PDE11A: variants seen among roughly 807,000 people sequenced by gnomAD.
PDE11A encodes the protein dual 3',5'-cyclic-AMP and -GMP phosphodiesterase 11A.
A neutral mutation model predicts 100.5 loss-of-function variants in PDE11A; 100 were observed. The ratio of observed to expected loss-of-function variants is 1.00; its 90% confidence interval spans 0.85 to 1.18. The LOEUF is 1.18. PDE11A is among the 50% of genes most tolerant of loss of function. The pLI, the probability that PDE11A is intolerant of heterozygous loss-of-function variation, is 0.00. For missense variants in PDE11A, 1,141 were observed against 1,152.6 expected (o/e 0.99, Z 0.15); for synonymous variants, 381 against 420.8 (o/e 0.91, Z 1.16).
intron 19 of PDE11A, among the ~76,000 whole-genome samples, chr2:177,645,171 G>A (rs1389738428): frequency 6.6e-6 from 1 of 152,104 alleles, no homozygotes; most frequent in Non-Finnish European, 1.5e-5. Context: ...GGAGAACTAG[G>A]TTTCTTTATC....
intron 2 of PDE11A, among the ~76,000 whole-genome samples, chr2:177,950,439 C>T (rs1420956846): frequency 6.6e-6 from 1 of 152,166 alleles, no homozygotes; most frequent in Non-Finnish European, 1.5e-5. Flanking sequence ...AGTCTGGTAT[C>T]TGGTCTAAAA....
chr2:178,034,556 A>G (rs886148283), intron 1 of PDE11A, among the ~76,000 whole-genome samples: 5 of 152,228 alleles, frequency 3.3e-5, no homozygotes, highest in African/African-American at 9.6e-5. Flanking sequence ...CTCCACCCCA[A>G]ATCAACAGAA....
chr2:177,780,221 T>C (rs1029941987), intron 9 of PDE11A, among the ~76,000 whole-genome samples: 11 of 152,166 alleles, frequency 7.2e-5, no homozygotes, highest in African/African-American at 2.2e-4. Context: ...CCATTTATAG[T>C]GTACAAGCAG....
chr2:177,802,763 GA>G (rs1481941621), intron 9 of PDE11A, among the ~76,000 whole-genome samples: 1 of 151,844 alleles, frequency 6.6e-6, no homozygotes, highest in South Asian at 2.1e-4. Context: ...TTTTCCTATT[GA>G]AAAATAACAA....
chr2:177,701,086 C>T (rs2081189295), intron 14 of PDE11A, 35 bp downstream of exon 14: 2 of 1,169,316 alleles, frequency 1.7e-6, no homozygotes, highest in South Asian at 1.2e-5. Context: ...GTTTTGGTTT[C>T]TGTTAAGGGG....
intron 2 of PDE11A, among the ~76,000 whole-genome samples, chr2:177,938,028 T>A (rs1483009926): frequency 2.6e-5 from 4 of 152,066 alleles, no homozygotes; most frequent in African/African-American, 9.7e-5. Context: ...CAGGGATTAA[T>A]AGATAAGGAG....
chr2:177,981,672 C>A (rs945984253), intron 2 of PDE11A, among the ~76,000 whole-genome samples: 9 of 150,826 alleles, frequency 6.0e-5, no homozygotes, highest in African/African-American at 2.2e-4. Flanking sequence ...GGGGTTAGTA[C>A]TTCAACTTAT....
chr2:177,869,991 C>T (rs746169079), intron 5 of PDE11A, among the ~76,000 whole-genome samples: 6 of 152,182 alleles, frequency 3.9e-5, no homozygotes, highest in Non-Finnish European at 8.8e-5. Flanking sequence ...TGATGTTCCA[C>T]ACCTTAATAA....
At chr2:177,688,295 A>C (rs1024663466) in intron 15 of PDE11A, 1 of 152,252 alleles carries the variant, frequency 6.6e-6, no homozygotes, top group Non-Finnish European at 1.5e-5. Flanking sequence ...TCACAGCTCC[A>C]GGTGATGTAT....
At chr2:177,760,376 TTATTA>T (rs1208760856) in intron 10 of PDE11A, among the ~76,000 whole-genome samples, 3 of 152,322 alleles carry the variant, frequency 2.0e-5, no homozygotes, top group Admixed American at 6.5e-5. Flanking sequence ...CTCATGAGTA[TTATTA>T]TATTATATTA....
At chr2:177,722,522 C>T (rs1389481007) in intron 12 of PDE11A, among the ~76,000 whole-genome samples, 1 of 152,086 alleles carries the variant, frequency 6.6e-6, no homozygotes, top group Non-Finnish European at 1.5e-5. Flanking sequence ...TGGATAAAGG[C>T]AATGTCAGCT....
At chr2:177,656,104 C>A (rs534632492) in intron 19 of PDE11A, among the ~76,000 whole-genome samples, 1 of 152,260 alleles carries the variant, frequency 6.6e-6, no homozygotes, top group South Asian at 2.1e-4. Flanking sequence ...GCCATATACT[C>A]CAGATTATGG....
chr2:178,063,461 C>G (rs192981925), intron 1 of PDE11A, among the ~76,000 whole-genome samples: 2 of 152,086 alleles, frequency 1.3e-5, no homozygotes. Flanking sequence ...TGTGCAGGGC[C>G]GCATAGGGAA....
At chr2:177,818,725 G>A (rs1353429093) in intron 7 of PDE11A, among the ~76,000 whole-genome samples, 7 of 151,976 alleles carry the variant, frequency 4.6e-5, no homozygotes, top group Non-Finnish European at 8.8e-5. Context: ...TAATTTATGA[G>A]TGATTACTTT....
chr2:177,655,725 T>C (rs775906793), intron 19 of PDE11A, among the ~76,000 whole-genome samples: 3 of 152,098 alleles, frequency 2.0e-5, no homozygotes, highest in African/African-American at 4.8e-5. Flanking sequence ...ATATTCTTAG[T>C]TGATGTTTGT....
intron 12 of PDE11A, among the ~76,000 whole-genome samples, chr2:177,721,442 A>G (rs1319102424): frequency 1.3e-5 from 2 of 152,192 alleles, no homozygotes; most frequent in Non-Finnish European, 2.9e-5. Context: ...TACAAATAAT[A>G]TAAGGAAATT....
chr2:177,918,127 G>T (rs950809732), intron 2 of PDE11A, among the ~76,000 whole-genome samples: 1 of 152,104 alleles, frequency 6.6e-6, no homozygotes, highest in Non-Finnish European at 1.5e-5. Context: ...CTTTGTGAAG[G>T]GCCAATCATT....
chr2:177,703,196 C>G (rs1186863567), intron 13 of PDE11A, among the ~76,000 whole-genome samples: 3 of 151,980 alleles, frequency 2.0e-5, no homozygotes, highest in Non-Finnish European at 4.4e-5. Context: ...TTTTATAATA[C>G]TAATATTATT....
At chr2:177,745,276 GT>G (rs1251631361) in intron 10 of PDE11A, among the ~76,000 whole-genome samples, 1 of 152,144 alleles carries the variant, frequency 6.6e-6, no homozygotes, top group Non-Finnish European at 1.5e-5. Flanking sequence ...AGCATTTTGG[GT>G]ATAAAACACA....
Sources: allele counts gnomAD v4.1 joint callset (sites outside exome capture counted in the v4.1 genomes callset), GRCh38; gene constraint gnomAD v4.1.1; transcripts MANE v1.5; gene names NCBI Gene and HGNC (gene_info 2026-07-23, HGNC 2026-07-21).